TYR: variants seen among roughly 807,000 people sequenced by gnomAD.
The protein encoded by TYR is LB24-AB.
Under a neutral mutation model 51.5 loss-of-function variants are expected in TYR, and 58 were observed. The ratio of observed to expected loss-of-function variants is 1.13; its 90% CI spans 0.91 to 1.40. TYR has a LOEUF of 1.40. TYR is among the 40% of genes most tolerant of loss of function. The probability of loss-of-function intolerance (pLI) is 0.00; values close to 1 mark genes in which losing one functional copy is unlikely to be tolerated. For synonymous variants in TYR, 263 were observed against 235.2 expected (o/e 1.12, Z -1.08); for missense variants, 732 against 647.4 (o/e 1.13, Z -1.42).
At chr11:89,235,541 C>T (rs1404969056) in intron 3 of TYR, among the ~76,000 whole-genome samples, 1 of 152,062 alleles carries the variant, frequency 6.6e-6, no homozygotes, top group Non-Finnish European at 1.5e-5. Flanking sequence ...ACCTGGAGGA[C>T]ATTACATTAA....
At chr11:89,224,974 A>G (rs1484928834) in intron 2 of TYR, among the ~76,000 whole-genome samples, 1 of 152,104 alleles carries the variant, frequency 6.6e-6, no homozygotes, top group African/African-American at 2.4e-5. Flanking sequence ...TATTTAGCTC[A>G]AATGAGTTCA....
At chr11:89,189,352 G>T (rs1019696833) in intron 1 of TYR, among the ~76,000 whole-genome samples, 1 of 151,760 alleles carries the variant, frequency 6.6e-6, no homozygotes, top group Non-Finnish European at 1.5e-5. Context: ...TTTTAAGACG[G>T]TATTTCTACA....
At chr11:89,223,405 T>G (rs969108577) in intron 2 of TYR, among the ~76,000 whole-genome samples, 32 of 152,158 alleles carry the variant, frequency 2.1e-4, no homozygotes, top group South Asian at 2.1e-4. Flanking sequence ...TTTTTTCAAG[T>G]TGACTTCACC....
chr11:89,199,477 T>C (rs1373560831), intron 2 of TYR, among the ~76,000 whole-genome samples: 1 of 152,170 alleles, frequency 6.6e-6, no homozygotes, highest in Non-Finnish European at 1.5e-5. Context: ...GAAGATTCAC[T>C]GGAAAGAGAG....
chr11:89,191,539 G>C (rs1377571199), intron 2 of TYR, 121 bp downstream of exon 2: 3 of 921,076 alleles, frequency 3.3e-6, no homozygotes, highest in Non-Finnish European at 3.4e-6. Flanking sequence ...AATATGTGTT[G>C]TATATACTTA....
At chr11:89,258,202 CT>C (rs1287043349) in intron 3 of TYR, among the ~76,000 whole-genome samples, 1 of 151,850 alleles carries the variant, frequency 6.6e-6, no homozygotes, top group Non-Finnish European at 1.5e-5. Flanking sequence ...AGATGAGAAA[CT>C]TTTTTTATGT....
chr11:89,183,884 C>T (rs533446991), intron 1 of TYR, among the ~76,000 whole-genome samples: 51 of 152,204 alleles, frequency 3.4e-4, no homozygotes, highest in African/African-American at 1.2e-3. Flanking sequence ...AAACACTTTA[C>T]ACTTGGCACT....
chr11:89,190,169 G>A (rs1943423818), intron 1 of TYR, among the ~76,000 whole-genome samples: 1 of 152,092 alleles, frequency 6.6e-6, no homozygotes, highest in Non-Finnish European at 1.5e-5. Context: ...ATTTTCGAAT[G>A]TACTTCTTCC....
chr11:89,280,755 T>G (rs942222233), intron 3 of TYR, among the ~76,000 whole-genome samples: 2 of 151,602 alleles, frequency 1.3e-5, no homozygotes, highest in Non-Finnish European at 3.0e-5. Flanking sequence ...TTAAAAGCCA[T>G]ATGTTTTATT....
At chr11:89,226,600 T>C (rs560013289) in intron 2 of TYR, among the ~76,000 whole-genome samples, 9 of 152,200 alleles carry the variant, frequency 5.9e-5, no homozygotes, top group Non-Finnish European at 1.2e-4. Context: ...GCAGAAACAC[T>C]GTCAGTCACA....
chr11:89,221,325 A>G (rs1200626712), intron 2 of TYR, among the ~76,000 whole-genome samples: 1 of 152,198 alleles, frequency 6.6e-6, no homozygotes, highest in Non-Finnish European at 1.5e-5. Context: ...CTCATGCACC[A>G]CTTCATTTGC....
At chr11:89,291,981 A>C (rs1431528458) in intron 4 of TYR, among the ~76,000 whole-genome samples, 1 of 152,024 alleles carries the variant, frequency 6.6e-6, no homozygotes. Context: ...CAGTTCAACC[A>C]AATAGTATGC....
intron 2 of TYR, among the ~76,000 whole-genome samples, chr11:89,196,340 C>T (rs531918672): frequency 6.6e-6 from 1 of 152,194 alleles, no homozygotes; most frequent in East Asian, 1.9e-4. Flanking sequence ...AATAATGTTT[C>T]TGGAGACAGA....
intron 3 of TYR, among the ~76,000 whole-genome samples, chr11:89,272,470 C>T (rs1318239926): frequency 6.6e-6 from 1 of 151,482 alleles, no homozygotes; most frequent in East Asian, 2.0e-4. Context: ...AACAGATGTG[C>T]TGTCACCTAA....
intron 2 of TYR, among the ~76,000 whole-genome samples, chr11:89,225,349 A>G (rs1943963633): frequency 6.6e-6 from 1 of 151,840 alleles, no homozygotes. Context: ...TATAATCACC[A>G]TGTTGTATCA....
chr11:89,178,001 C>A lies in TYR; in HGVS notation c.48C>A (p.Ser16=). The A allele has an allele frequency of 6.2e-7, 1 of 1,614,134 alleles. No individual in the cohort carries two copies. The highest frequency in any genetic ancestry group is 8.5e-7 in the Non-Finnish European group (1 of 1,180,016). ...GCCTGCTGTGGAGTTTCCAGACCTC[C>A]GCTGGCCATTTCCCTAGAGCCTGTG... ...LYCLLWSFQT[S]AGHFPRACVS... is the part of the protein sequence containing the mutation. The change falls in exon 1 of 5, where the codon TCC becomes TCA. Residue 16 remains serine (S), a synonymous_variant. Transcript: ENST00000263321.
rs747032303 is a variant in TYR, at chr11:89,227,804, AT to A, written c.1037-10del. On this transcript the variant is annotated intron_variant, in intron 2 of 4. Transcript: ENST00000263321. ...TCATTAAAGTAAACATATTTTTTTC[AT>A]TTTTTTTTAATGAACAGGATTTGCT... 342 of 1,516,794 alleles carry A rather than the reference AT, an allele frequency of 2.3e-4. No individual in the cohort carries two copies. Among genetic ancestry groups the A allele is most frequent in the Middle Eastern group, 3.5e-4 (2 of 5,784 alleles). The allele number at this position is 1,516,794 out of a possible 1,614,324, so 94.0% of individuals were successfully genotyped here.
chr11:89,243,464 T>C (rs1944225838), intron 3 of TYR, among the ~76,000 whole-genome samples: 1 of 152,140 alleles, frequency 6.6e-6, no homozygotes, highest in Non-Finnish European at 1.5e-5. Context: ...GTCTTTTGAG[T>C]CTCCAAGAAT....
At chr11:89,206,184 T>G (rs1190805057) in intron 2 of TYR, among the ~76,000 whole-genome samples, 1 of 152,138 alleles carries the variant, frequency 6.6e-6, no homozygotes, top group African/African-American at 2.4e-5. Flanking sequence ...TAAATGTGAA[T>G]AGTCTAAAAA....
Sources: gnomAD v4.1 joint callset for allele counts (sites outside exome capture counted in the v4.1 genomes callset) on GRCh38, gnomAD v4.1.1 for gene constraint, MANE v1.5 for transcripts, NCBI Gene and HGNC (gene_info 2026-07-23, HGNC 2026-07-21) for gene names.